Variants in FOXO1 observed in about 807,000 individuals in gnomAD.
The protein encoded by FOXO1 is forkhead box O1.
FOXO1 carries 6 observed loss-of-function variants against 44.1 expected under a neutral mutation model. The observed-to-expected ratio is 0.14, with a 90% CI of 0.07 to 0.27. FOXO1 has a LOEUF of 0.27. Among genes scored for constraint, FOXO1 ranks in the 10% least tolerant of loss-of-function variants. FOXO1 has a pLI of 1.00. For synonymous variants in FOXO1, 380 were observed against 362.7 expected (o/e 1.05, Z -0.54); for missense variants, 737 against 888.8 (o/e 0.83, Z 2.17).
chr13:40,641,419 CAT>C (rs747250219), intron 1 of FOXO1, among the ~76,000 whole-genome samples: 21 of 149,740 alleles, frequency 1.4e-4, no homozygotes, highest in Admixed American at 2.0e-4. Context: ...TTATATATAT[CAT>C]ATATATATAT....
At chr13:40,642,282 T>C (rs1336734188) in intron 1 of FOXO1, among the ~76,000 whole-genome samples, 2 of 152,170 alleles carry the variant, frequency 1.3e-5, no homozygotes, top group Non-Finnish European at 2.9e-5. Flanking sequence ...CTAGGATATG[T>C]AGCAGATGCA....
chr13:40,591,319 C>T (rs1317177634), intron 1 of FOXO1, among the ~76,000 whole-genome samples: 1 of 152,192 alleles, frequency 6.6e-6, no homozygotes, highest in Non-Finnish European at 1.5e-5. Flanking sequence ...ACGTTCTGGA[C>T]ACGGCACCAT....
At chr13:40,657,068 C>T (rs768258879) in intron 1 of FOXO1, among the ~76,000 whole-genome samples, 7 of 152,066 alleles carry the variant, frequency 4.6e-5, no homozygotes, top group East Asian at 3.9e-4. Context: ...CTCCTGACTT[C>T]GCACTCAGAG....
At chr13:40,608,773 G>A (rs1465519572) in intron 1 of FOXO1, among the ~76,000 whole-genome samples, 1 of 152,142 alleles carries the variant, frequency 6.6e-6, no homozygotes, top group Non-Finnish European at 1.5e-5. Context: ...TTATATAAGA[G>A]GGTGGCAACA....
At chr13:40,585,314 T>G (rs1875115912) in intron 1 of FOXO1, among the ~76,000 whole-genome samples, 1 of 148,972 alleles carries the variant, frequency 6.7e-6, no homozygotes, top group African/African-American at 2.6e-5. Context: ...CTTTCCCCTT[T>G]AGTATGTAAG....
chr13:40,624,221 T>C (rs149272247), intron 1 of FOXO1, among the ~76,000 whole-genome samples: 1 of 149,976 alleles, frequency 6.7e-6, no homozygotes, highest in Non-Finnish European at 1.5e-5. Flanking sequence ...TAAGATTTCA[T>C]GCACCTGGGG....
chr13:40,603,558 A>C (rs146239977), intron 1 of FOXO1, among the ~76,000 whole-genome samples: 3 of 152,062 alleles, frequency 2.0e-5, no homozygotes, highest in African/African-American at 7.2e-5. Flanking sequence ...GAACCAAGAT[A>C]CTCTGGCTAG....
intron 1 of FOXO1, among the ~76,000 whole-genome samples, chr13:40,585,984 CCCT>C (rs1469535025): frequency 2.6e-5 from 4 of 152,178 alleles, no homozygotes; most frequent in Admixed American, 6.5e-5. Flanking sequence ...CCTGTGAACT[CCCT>C]CCTCATTTCC....
At chr13:40,607,581 T>G (rs1351340512) in intron 1 of FOXO1, among the ~76,000 whole-genome samples, 2 of 152,054 alleles carry the variant, frequency 1.3e-5, no homozygotes, top group Non-Finnish European at 2.9e-5. Flanking sequence ...ATAGGGGAGA[T>G]TCTATAACCC....
intron 1 of FOXO1, among the ~76,000 whole-genome samples, chr13:40,628,377 A>G (rs1876856104): frequency 6.6e-6 from 1 of 151,722 alleles, no homozygotes; most frequent in South Asian, 2.1e-4. Flanking sequence ...ACACACACAC[A>G]CACACACACA....
At position 40,643,138 on chromosome 13, in the gene FOXO1, T is replaced by C. The variant is rs139478238; in HGVS notation, c.630+22445A>G. ...AGGTGGATCATTTGAGGTCAGGAGTTTGAGACCAGCCTGGCCAACATGGTG... is the reference window on the plus strand; with the variant it reads ...AGGTGGATCATTTGAGGTCAGGAGTCTGAGACCAGCCTGGCCAACATGGTG... On this transcript the variant is annotated intron_variant, in intron 1 of 2. Transcript: ENST00000379561. 5.7e-3 allele frequency among the ~76,000 whole-genome samples: 865 copies of C among 152,154 alleles called. 6 individuals carry two copies. Among genetic ancestry groups the C allele is most frequent in the African/African-American group, 0.02 (827 of 41,516 alleles).
chr13:40,560,711 G>C lies in FOXO1; in HGVS notation c.780C>G (p.Asn260Lys), dbSNP rs1285722800. The change falls in exon 2 of 3, where the codon AAC (asparagine) becomes AAG (lysine). Residue 260 changes from asparagine (N) to lysine (K), a missense_variant. Coordinates refer to ENST00000379561, the MANE Select transcript of FOXO1 (RefSeq NM_002015.4). This position sits in a 1 kb window ranked among gnomAD's most constrained non-coding sequence, Gnocchi z 5.1. Reference protein sequence around the residue: ...PRRRAASMDNNSKFAKSRSRA... With the variant: ...PRRRAASMDNKSKFAKSRSRA... ...GGCTTCGGCTCTTAGCAAATTTACT[G>C]TTGTTGTCCATGGATGCAGCTCTTC... 4 of 1,614,190 alleles carry C rather than the reference G, an allele frequency of 2.5e-6. No individual in the cohort carries two copies. The highest frequency in any genetic ancestry group is 3.4e-6 in the Non-Finnish European group (4 of 1,180,026).
intron 1 of FOXO1, among the ~76,000 whole-genome samples, chr13:40,637,121 T>G (rs1456309846): frequency 6.6e-6 from 1 of 152,100 alleles, no homozygotes; most frequent in African/African-American, 2.4e-5. Flanking sequence ...GTGACAGCCT[T>G]TCTGGTGGCA....
chr13:40,597,475 G>A (rs957328948), intron 1 of FOXO1, among the ~76,000 whole-genome samples: 1 of 152,074 alleles, frequency 6.6e-6, no homozygotes, highest in African/African-American at 2.4e-5. Context: ...TTATCAGTCC[G>A]AGCTGCATCC....
rs753862295 is a variant in FOXO1 at position 40,560,283 on chromosome 13, G to A, written c.1208C>T (p.Pro403Leu). 3.0e-5 allele frequency: 48 copies of A among 1,614,058 alleles called. No individual in the cohort carries two copies. Among genetic ancestry groups the A allele is most frequent in the South Asian group, 1.5e-4 (14 of 91,082 alleles). ...SSPGTMMQQTPCYSFAPPNTS... is the reference protein window; with the variant it reads ...SSPGTMMQQTLCYSFAPPNTS... ...GTTTGGTGGCGCAAACGAGTAGCAC[G>A]GCGTCTGCTGCATCATGGTGCCAGG... The change falls in exon 2 of 3, where the codon CCG becomes CTG. Residue 403 changes from proline (P) to leucine (L), a missense_variant. Coordinates refer to ENST00000379561, the MANE Select transcript of FOXO1 (RefSeq NM_002015.4). The surrounding 1 kb of genome is among the most constrained non-coding windows in gnomAD (Gnocchi z 5.1).
At chr13:40,600,727 G>A (rs1000760409) in intron 1 of FOXO1, among the ~76,000 whole-genome samples, 1 of 152,142 alleles carries the variant, frequency 6.6e-6, no homozygotes, top group African/African-American at 2.4e-5. Flanking sequence ...CTTCCAAACT[G>A]TCTAATTTAG....
At chr13:40,591,488 G>A (rs1404263356) in intron 1 of FOXO1, among the ~76,000 whole-genome samples, 1 of 152,144 alleles carries the variant, frequency 6.6e-6, no homozygotes, top group Non-Finnish European at 1.5e-5. Flanking sequence ...GCAGCCAGAG[G>A]CCCAGAACAG....
chr13:40,598,335 G>A (rs1041958877), intron 1 of FOXO1, among the ~76,000 whole-genome samples: 7 of 152,060 alleles, frequency 4.6e-5, no homozygotes, highest in Admixed American at 3.3e-4. Context: ...TTCTGTTGAT[G>A]TTGTTACTGT....
chr13:40,584,501 A>AAAAAAAAAAAAAAAGC (rs1555248680), intron 1 of FOXO1, among the ~76,000 whole-genome samples: 4 of 117,190 alleles, frequency 3.4e-5, no homozygotes, highest in Non-Finnish European at 3.4e-5. Context: ...AAAAAAAAAA[A>AAAAAAAAAAAAAAAGC]GCCAGATGCA....
Sources: allele counts gnomAD v4.1 joint callset (sites outside exome capture counted in the v4.1 genomes callset), GRCh38; gene constraint gnomAD v4.1.1; non-coding constraint Gnocchi (gnomAD v3.1); transcripts MANE v1.5; gene names NCBI Gene and HGNC (gene_info 2026-07-23, HGNC 2026-07-21).